Variants in MFAP3L observed in about 807,000 individuals in gnomAD.
The protein encoded by MFAP3L is microfibrillar-associated protein 3-like.
In MFAP3L, 5 loss-of-function variants were observed where a neutral mutation model predicts 20.0. The ratio of observed to expected loss-of-function variants is 0.25; its 90% CI spans 0.13 to 0.53. The LOEUF is 0.53. Ranked by LOEUF, MFAP3L falls within the 20% of genes least tolerant of loss-of-function variation. MFAP3L has a pLI of 0.96. For synonymous variants in MFAP3L, 219 were observed against 213.0 expected, an observed-to-expected ratio of 1.03 and a Z score of -0.25; for missense variants, 409 against 527.5, an observed-to-expected ratio of 0.78 and a Z score of 2.20.
At chr4:170,000,394 T>C (rs1015170053) in intron 2 of MFAP3L, among the ~76,000 whole-genome samples, 4 of 152,216 alleles carry the variant, frequency 2.6e-5, no homozygotes, top group Non-Finnish European at 5.9e-5. Context: ...AAACACACTA[T>C]ATTAAGAAAC....
intron 2 of MFAP3L, among the ~76,000 whole-genome samples, chr4:170,002,802 T>C (rs1371779487): frequency 2.6e-5 from 4 of 151,932 alleles, no homozygotes; most frequent in Middle Eastern, 3.4e-3. Context: ...GCCACGCGCT[T>C]GGCCTAGTAT....
intron 1 of MFAP3L, among the ~76,000 whole-genome samples, chr4:170,015,074 T>C (rs567532328): frequency 3.9e-5 from 6 of 152,270 alleles, no homozygotes; most frequent in African/African-American, 1.4e-4. Context: ...TAGGATCAGG[T>C]GCCTGGGATA....
intron 1 of MFAP3L, among the ~76,000 whole-genome samples, chr4:170,012,308 C>A (rs924714341): frequency 1.3e-5 from 2 of 152,196 alleles, no homozygotes; most frequent in African/African-American, 4.8e-5. Context: ...TGAAGTAGTA[C>A]AAGACCTCCT....
intron 1 of MFAP3L, among the ~76,000 whole-genome samples, chr4:170,021,139 A>C (rs1237385771): frequency 6.6e-6 from 1 of 152,200 alleles, no homozygotes; most frequent in African/African-American, 2.4e-5. Flanking sequence ...TAAAAAAAAT[A>C]TTGGGAATAG....
At chr4:170,026,971 G>A (rs1232956253), upstream of MFAP3L, 1 of 152,154 alleles carries the variant, frequency 6.6e-6, no homozygotes, top group Non-Finnish European at 1.5e-5. Context: ...TTAAAGCAAA[G>A]TCCACAGATG....
Position 170,005,791 on chromosome 4 carries a change from C to T in MFAP3L, c.87G>A (p.Lys29=). ...CATTTAAAGTGCTGTTAGTCACACT[C>T]TTAGCGGTGGCTAGAGTGGATACTA... ...LILVSTLATA[K]SVTNSTLNGT... Residue 29 remains lysine (K), a synonymous_variant, in exon 2 of 3, where the codon AAG becomes AAA. Coordinates refer to ENST00000361618, the MANE Select transcript of MFAP3L (RefSeq NM_021647.8). 4 of 1,614,236 alleles carry T rather than the reference C, an allele frequency of 2.5e-6. No homozygotes were observed. The highest frequency in any genetic ancestry group is 3.4e-6 in the Non-Finnish European group (4 of 1,180,040).
chr4:170,021,164 T>C (rs1740011729), intron 1 of MFAP3L, among the ~76,000 whole-genome samples: 1 of 152,180 alleles, frequency 6.6e-6, no homozygotes, highest in African/African-American at 2.4e-5. Context: ...GGGCACAGTA[T>C]TCCAAAGGCC....
At position 169,990,921 on chromosome 4, in the gene MFAP3L, T is replaced by C. The variant is rs1480772568; in HGVS notation, c.*457A>G. ...AGTATTAATAACAATGACCCCATTA[T>C]AAAGGAAAAGCAAAATTAAAACTGA... On this transcript the variant is annotated 3_prime_UTR_variant, in exon 3 of 3. Transcript: ENST00000361618. 6.1e-6 allele frequency: 1 copy of C among 163,414 alleles called. No individual in the cohort carries two copies. The highest frequency in any genetic ancestry group is 2.4e-5 in the African/African-American group (1 of 41,616). 10.1% of individuals were successfully genotyped at this position (163,414 alleles called of 1,614,324 possible).
chr4:170,005,958 G>A lies in MFAP3L; in HGVS notation c.-81C>T. ...ATCAGACAACACACTGTTCACAGCA[G>A]GTCATGGGACAAACCTGTCCTGGGT... On this transcript the variant is annotated 5_prime_UTR_variant, in exon 2 of 3. Transcript: ENST00000361618. 2.0e-6 allele frequency: 3 copies of A among 1,517,854 alleles called. No individual in the cohort carries two copies. The highest frequency in any genetic ancestry group is 2.7e-6 in the Non-Finnish European group (3 of 1,130,720). The allele number at this position is 1,517,854 out of a possible 1,614,324, so 94.0% of individuals were successfully genotyped here.
intron 1 of MFAP3L, among the ~76,000 whole-genome samples, chr4:170,024,588 A>G (rs559397438): frequency 6.6e-6 from 1 of 152,352 alleles, no homozygotes; most frequent in Admixed American, 6.5e-5. Context: ...TTTTTCTATA[A>G]ATGTATTTAG....
At chr4:170,020,370 G>C (rs1204901714) in intron 1 of MFAP3L, among the ~76,000 whole-genome samples, 2 of 152,056 alleles carry the variant, frequency 1.3e-5, no homozygotes, top group Non-Finnish European at 2.9e-5. Flanking sequence ...CCACATCCTG[G>C]GTTTCCCCTG....
intron 2 of MFAP3L, among the ~76,000 whole-genome samples, chr4:169,996,622 C>A (rs1482908827): frequency 2.0e-5 from 3 of 152,112 alleles, no homozygotes; most frequent in Admixed American, 2.0e-4. Context: ...TTTGAGGTCA[C>A]AGGGAGCACA....
intron 2 of MFAP3L, 181 bp downstream of exon 2, chr4:170,005,399 A>G (rs1264875640): frequency 9.6e-6 from 7 of 730,834 alleles, no homozygotes; most frequent in South Asian, 2.0e-5. Context: ...TCAATGAGGG[A>G]AAAAAATGAA....
intron 1 of MFAP3L, among the ~76,000 whole-genome samples, chr4:170,009,474 T>C (rs549932689): frequency 4.6e-5 from 7 of 151,950 alleles, no homozygotes; most frequent in South Asian, 2.1e-4. Flanking sequence ...AATCTAACAT[T>C]GTGAAAGGGA....
rs1445414265 is a variant in MFAP3L at position 169,989,086 on chromosome 4, C to G, written c.*2292G>C. 6.6e-6 allele frequency: 1 copy of G among 152,090 alleles called. No individual in the cohort carries two copies. The highest frequency in any genetic ancestry group is 2.4e-5 in the African/African-American group (1 of 41,412). The allele number at this position is 152,090 out of a possible 1,614,324, so 9.4% of individuals were successfully genotyped here. A position where few individuals can be genotyped will look rare whatever the true frequency, so the allele number is the denominator to read the frequency against. On this transcript the variant is annotated 3_prime_UTR_variant, in exon 3 of 3. Transcript: ENST00000361618. ...TCTGTTGTTGCTTTGGGCATATAAACCCATGGTAATGAATCTGTGGACCTC... is the reference window on the plus strand; with the variant it reads ...TCTGTTGTTGCTTTGGGCATATAAAGCCATGGTAATGAATCTGTGGACCTC...
chr4:169,997,697 T>C (rs1393336223), intron 2 of MFAP3L: 1 of 984,916 alleles, frequency 1.0e-6, no homozygotes, highest in Non-Finnish European at 1.2e-6. Context: ...CCTGGCTGGG[T>C]AGGTATAAGG....
In MFAP3L at chr4:169,999,441, G is replaced by T. The variant is rs75631103; in HGVS notation, c.298+6139C>A. ...AACATCTGTTCCTCTAGCTAATTTG[G>T]TCTGGTAATCTTAATTTTTAAAGGA... is the stretch of plus-strand genomic sequence containing the variant. On this transcript the variant is annotated intron_variant, in intron 2 of 2. Transcript: ENST00000361618. Among the ~76,000 whole-genome samples the T allele has an allele frequency of 5.8e-3, 879 of 152,188 alleles. 50 individuals are homozygous for T. The East Asian group carries it at 0.13, about 22-fold the overall frequency.
At chr4:170,003,050 T>C (rs1738780215) in intron 2 of MFAP3L, among the ~76,000 whole-genome samples, 1 of 152,128 alleles carries the variant, frequency 6.6e-6, no homozygotes, top group Non-Finnish European at 1.5e-5. Context: ...CTCGTTTCTG[T>C]TGTTTTCTGT....
rs775852125 is a variant in MFAP3L at position 169,992,171 on chromosome 4, G to C, written c.437C>G (p.Ser146Cys). 6.2e-7 allele frequency: 1 copy of C among 1,614,206 alleles called. No homozygotes were observed. The highest frequency in any genetic ancestry group is 1.7e-5 in the Admixed American group (1 of 60,022). ...CATGTAGTAGACACCCATGTCTCCA[G>C]AAGTGAAGATGACGCGCAAGGTCAC... The part of the protein sequence containing the change: ...NTVTLRVIFT[S>C]GDMGVYYMVV... The change falls in exon 3 of 3, where the codon TCT becomes TGT. Residue 146 changes from serine to cysteine, a missense_variant. By Grantham distance (112) the Ser-to-Cys change is moderately radical. This residue lies in a region of MFAP3L where 127 missense variants were observed against 218.1 expected (regional missense o/e 0.58). Coordinates refer to ENST00000361618, the MANE Select transcript of MFAP3L (RefSeq NM_021647.8). This position sits in a 1 kb window ranked among gnomAD's most constrained non-coding sequence, Gnocchi z 4.3.
Sources: allele counts gnomAD v4.1 joint callset (sites outside exome capture counted in the v4.1 genomes callset), GRCh38; gene constraint gnomAD v4.1.1; regional missense constraint gnomAD v4.1.1; non-coding constraint Gnocchi (gnomAD v3.1); transcripts MANE v1.5; gene names NCBI Gene and HGNC (gene_info 2026-07-23, HGNC 2026-07-21).